Variants in UPF1 observed in about 807,000 individuals in gnomAD.
UPF1 encodes the protein regulator of nonsense transcripts 1.
Under a neutral mutation model 129.2 loss-of-function variants are expected in UPF1, and 9 were observed. That is an observed-to-expected ratio of 0.07 (90% CI 0.04 to 0.12). The LOEUF is 0.12. UPF1 is among the 10% of genes least tolerant of loss of function. The probability of loss-of-function intolerance (pLI) is 1.00; values close to 1 mark genes in which losing one functional copy is unlikely to be tolerated. For synonymous variants in UPF1, 649 were observed against 644.9 expected (o/e 1.01, Z -0.10); for missense variants, 788 against 1,525.3 (o/e 0.52, Z 8.05).
intron 18 of UPF1, chr19:18,863,110 G>C (rs1253410526): frequency 7.5e-6 from 2 of 264,962 alleles, no homozygotes; most frequent in South Asian, 1.4e-4. Flanking sequence ...GCCCCGGCCT[G>C]CTGGGGGCCC....
chr19:18,850,498 G>GTT lies in UPF1; in HGVS notation c.630-187_630-186dup, dbSNP rs1281188303. Among the ~76,000 whole-genome samples the GTT allele has an allele frequency of 2.0e-5, 3 of 152,244 alleles. No homozygotes were observed. Among genetic ancestry groups the GTT allele is most frequent in the Non-Finnish European group, 4.4e-5 (3 of 68,030 alleles). On this transcript the variant is annotated intron_variant, in intron 4 of 23. Coordinates refer to ENST00000262803, the MANE Select transcript of UPF1 (RefSeq NM_002911.4). This position sits in a 1 kb window ranked among gnomAD's most constrained non-coding sequence, Gnocchi z 7.1. ...TCTGTAAAAACAAAGTCTGTTCTGA[G>GTT]TTTTAAGAGTTCAGAGCTCAAGTGC...
At chr19:18,847,068 G>A (rs936554197) in intron 2 of UPF1, among the ~76,000 whole-genome samples, 4 of 152,122 alleles carry the variant, frequency 2.6e-5, no homozygotes, top group African/African-American at 9.7e-5. Flanking sequence ...GCTGCCCAGC[G>A]CTCCGGGACT....
intron 18 of UPF1, among the ~76,000 whole-genome samples, chr19:18,862,693 G>C (rs182658297): frequency 6.6e-6 from 1 of 152,180 alleles, no homozygotes; most frequent in African/African-American, 2.4e-5. Context: ...TGAGCCGGGC[G>C]TGGTGGCACA....
At chr19:18,855,278 G>A (rs1434878954) in intron 11 of UPF1, 36 bp downstream of exon 11, 3 of 1,599,554 alleles carry the variant, frequency 1.9e-6, no homozygotes, top group East Asian at 2.2e-5. Context: ...CAAGACCCGG[G>A]AGGGCTTTAG....
chr19:18,860,538 T>A (rs1398883427), intron 16 of UPF1, 100 bp downstream of exon 16: 26 of 1,201,888 alleles, frequency 2.2e-5, no homozygotes, highest in Admixed American at 9.6e-5. Flanking sequence ...TGAAACTTTT[T>A]TTGCCTTCAT....
chr19:18,862,395 T>G (rs1352249969), intron 18 of UPF1, among the ~76,000 whole-genome samples: 1 of 152,144 alleles, frequency 6.6e-6, no homozygotes, highest in Non-Finnish European at 1.5e-5. Flanking sequence ...AAAATAAATC[T>G]TGTGTGTGTC....
Position 18,853,096 on chromosome 19 carries a change from G to A in UPF1, c.1057+25G>A. 6.2e-7 allele frequency: 1 copy of A among 1,613,280 alleles called. No homozygotes were observed. On this transcript the variant is annotated intron_variant, in intron 7 of 23. Transcript: ENST00000262803. The surrounding 1 kb of genome is among the most constrained non-coding windows in gnomAD (Gnocchi z 4.4). Reference sequence around the variant, plus strand: ...GGTAATGAGGATTTAGTCATAATTTGGTTAAGAGGTGATTTTAAGTTTTAA... The same window carrying A: ...GGTAATGAGGATTTAGTCATAATTTAGTTAAGAGGTGATTTTAAGTTTTAA...
At chr19:18,856,345 C>G (rs773246563) in intron 13 of UPF1, 45 bp downstream of exon 13, 6 of 1,545,840 alleles carry the variant, frequency 3.9e-6, no homozygotes, top group Non-Finnish European at 5.3e-6. Context: ...GGCTGGCGGC[C>G]TGATGGTTTT....
At chr19:18,863,187 C>T (rs1301153011) in intron 18 of UPF1, 6 of 449,132 alleles carry the variant, frequency 1.3e-5, no homozygotes, top group South Asian at 3.7e-5. Flanking sequence ...TCTCTCCAAA[C>T]GTATCCACCC....
chr19:18,860,174 A>G (rs765684732), intron 15 of UPF1, 147 bp from the exon 16 acceptor site: 32 of 793,140 alleles, frequency 4.0e-5, no homozygotes, highest in Non-Finnish European at 6.6e-5. Context: ...GGACCGGCTC[A>G]GGTGACCTCA....
At position 18,865,719 on chromosome 19, in the gene UPF1, T is replaced by C; in HGVS notation, c.3178T>C (p.Ser1060Pro). ...SQGALTQGYI[S>P]MSQPSQMSQP... ...GGGCGCCCTGACGCAGGGCTACATC[T>C]CCATGAGCCAGCCTTCCCAGATGAG... The change falls in exon 22 of 24, where the codon TCC becomes CCC. Residue 1060 changes from serine to proline, a missense_variant. Physicochemically the swap from Ser to Pro is moderately conservative, Grantham distance 74. Transcript: ENST00000262803. The surrounding 1 kb of genome is among the most constrained non-coding windows in gnomAD (Gnocchi z 6.1). The C allele has an allele frequency of 6.2e-7, 1 of 1,613,434 alleles. No homozygotes were observed. The highest frequency in any genetic ancestry group is 8.5e-7 in the Non-Finnish European group (1 of 1,179,978).
intron 1 of UPF1, among the ~76,000 whole-genome samples, chr19:18,839,568 G>A (rs564106573): frequency 1.4e-4 from 22 of 152,242 alleles, no homozygotes; most frequent in African/African-American, 4.6e-4. Context: ...TGTGTCCACC[G>A]CCTCAGACTG....
chr19:18,838,371 G>A (rs1248396876), intron 1 of UPF1, among the ~76,000 whole-genome samples: 5 of 152,024 alleles, frequency 3.3e-5, no homozygotes, highest in Non-Finnish European at 5.9e-5. Context: ...AATCCAGGCC[G>A]GGCTTGGTGG....
At chr19:18,852,937 C>T in intron 6 of UPF1, 50 bp from the exon 7 acceptor site, 1 of 1,526,016 alleles carries the variant, frequency 6.6e-7, no homozygotes, top group Non-Finnish European at 9.0e-7. Context: ...GAGGCCAGGC[C>T]CGGGCCTGTG....
chr19:18,833,898 A>G (rs576097360), intron 1 of UPF1, among the ~76,000 whole-genome samples: 1 of 152,308 alleles, frequency 6.6e-6, no homozygotes, highest in East Asian at 1.9e-4. Context: ...TAATGGAAGC[A>G]AAAAACATTT....
At position 18,832,592 on chromosome 19, in the gene UPF1, C is replaced by A; in HGVS notation, c.231+152C>A. On this transcript the variant is annotated intron_variant, in intron 1 of 23. Coordinates refer to ENST00000262803, the MANE Select transcript of UPF1 (RefSeq NM_002911.4). The surrounding 1 kb of genome is among the most constrained non-coding windows in gnomAD (Gnocchi z 5.6). Reference sequence around the variant, plus strand: ...CTGCCCCGGGTCCCCTACTCTGGCTCGGCCTGAGCTTACCTGCCCCAGGTC... The same window carrying A: ...CTGCCCCGGGTCCCCTACTCTGGCTAGGCCTGAGCTTACCTGCCCCAGGTC... 2.0e-6 allele frequency: 1 copy of A among 506,472 alleles called. No individual in the cohort carries two copies. The highest frequency in any genetic ancestry group is 2.6e-6 in the Non-Finnish European group (1 of 391,714). The allele number at this position is 506,472 out of a possible 1,614,324, so 31.4% of individuals were successfully genotyped here.
rs2055666442 is a variant in UPF1, at chr19:18,852,190, C to T, written c.866C>T (p.Pro289Leu). The T allele has an allele frequency of 2.5e-6, 4 of 1,613,354 alleles. No homozygotes were observed. Among genetic ancestry groups the T allele is most frequent in the African/African-American group, 1.3e-5 (1 of 74,904 alleles). Residue 289 changes from proline (P) to leucine (L), a missense_variant, in exon 6 of 24, where the codon CCG (proline) becomes CTG (leucine). Pro to Leu is a moderately conservative substitution (Grantham distance 98, BLOSUM62 -3). This residue lies in a region of UPF1 where 227 missense variants were observed against 517.9 expected (regional missense o/e 0.44). Transcript: ENST00000262803. ...GAGAAGCCGGGGGTGGACGAGGAGCCGCAGCATGTCCTCCTGCGGTACGAG... is the reference window on the plus strand; with the variant it reads ...GAGAAGCCGGGGGTGGACGAGGAGCTGCAGCATGTCCTCCTGCGGTACGAG... ...DLEKPGVDEE[P>L]QHVLLRYEDA...
rs2055432027 is a variant in UPF1 at position 18,832,147 on chromosome 19, TCAGCGCGGCGGCGGGCTCGAGTG to T, written c.-54_-32del. 1 of 1,445,392 alleles carries T rather than the reference TCAGCGCGGCGGCGGGCTCGAGTG, an allele frequency of 6.9e-7. No homozygotes were observed. Among genetic ancestry groups the T allele is most frequent in the Admixed American group, 2.3e-5 (1 of 43,052 alleles). 89.5% of individuals were successfully genotyped at this position (1,445,392 alleles called of 1,614,324 possible). On this transcript the variant is annotated 5_prime_UTR_variant, in exon 1 of 24. Coordinates refer to ENST00000262803, the MANE Select transcript of UPF1 (RefSeq NM_002911.4). This position sits in a 1 kb window ranked among gnomAD's most constrained non-coding sequence, Gnocchi z 5.6. ...CGACCCGAGGCCTGCGGCCTAGGCC[TCAGCGCGGCGGCGGGCTCGAGTG>T]CAGCGCGGAACCGGCCCGAGGGCCC...
chr19:18,856,563 C>T (rs2055720506), intron 13 of UPF1, among the ~76,000 whole-genome samples: 2 of 152,186 alleles, frequency 1.3e-5, no homozygotes, highest in Non-Finnish European at 2.9e-5. Flanking sequence ...TCTTTCATAA[C>T]CAACCAGCCT....
Sources: allele counts gnomAD v4.1 joint callset (sites outside exome capture counted in the v4.1 genomes callset), GRCh38; gene constraint gnomAD v4.1.1; regional missense constraint gnomAD v4.1.1; non-coding constraint Gnocchi (gnomAD v3.1); transcripts MANE v1.5; gene names NCBI Gene and HGNC (gene_info 2026-07-23, HGNC 2026-07-21).